ZNF804B: variants seen among roughly 807,000 people sequenced by gnomAD.
ZNF804B encodes the protein zinc finger 804B.
Under a neutral mutation model 101.4 loss-of-function variants are expected in ZNF804B, and 80 were observed. That is an observed-to-expected ratio of 0.79 (90% CI 0.66 to 0.95). The LOEUF (loss-of-function observed/expected upper bound fraction) is 0.95, where lower values mean the gene tolerates loss of function less well. Among genes scored for constraint, ZNF804B ranks in the 40% least tolerant of loss-of-function variants. The pLI is 0.00. For missense variants in ZNF804B, 1,673 were observed against 1,561.9 expected (o/e 1.07, Z -1.20); for synonymous variants, 622 against 558.8 (o/e 1.11, Z -1.59).
chr7:89,336,426 A>C lies in ZNF804B; in HGVS notation c.3444A>C (p.Ile1148=). 6.2e-7 allele frequency: 1 copy of C among 1,614,118 alleles called. No individual in the cohort carries two copies. Among genetic ancestry groups the C allele is most frequent in the South Asian group, 1.1e-5 (1 of 91,086 alleles). ...SISPPLIQQP[I]TFSPDEIDKY... ...CTCCCCCTTTAATTCAACAGCCCAT[A>C]ACATTTTCTCCTGACGAAATAGATA... The change falls in exon 4 of 4, where the codon ATA becomes ATC. Residue 1148 remains isoleucine (I), a synonymous_variant. Transcript: ENST00000333190.
chr7:89,010,786 CT>C (rs1458300789), intron 1 of ZNF804B, among the ~76,000 whole-genome samples: 2 of 152,168 alleles, frequency 1.3e-5, no homozygotes, highest in Admixed American at 1.3e-4. Context: ...AAACCAGAAT[CT>C]AAGGCTGTGG....
At chr7:88,765,167 T>A (rs1180555910) in intron 1 of ZNF804B, among the ~76,000 whole-genome samples, 1 of 152,124 alleles carries the variant, frequency 6.6e-6, no homozygotes, top group Admixed American at 6.6e-5. Flanking sequence ...TTTATTAGAT[T>A]ACACTACATT....
intron 2 of ZNF804B, among the ~76,000 whole-genome samples, chr7:89,319,120 C>T (rs1337152399): frequency 1.3e-5 from 2 of 152,086 alleles, no homozygotes; most frequent in Non-Finnish European, 2.9e-5. Context: ...TGCCCTCGTT[C>T]CTGTAAACCC....
chr7:88,885,918 T>C (rs1792118852), intron 1 of ZNF804B, among the ~76,000 whole-genome samples: 1 of 152,164 alleles, frequency 6.6e-6, no homozygotes, highest in South Asian at 2.1e-4. Flanking sequence ...TTATCAAATT[T>C]TCAAGTCAAC....
chr7:89,073,583 A>C (rs1346977417), intron 1 of ZNF804B, among the ~76,000 whole-genome samples: 1 of 152,106 alleles, frequency 6.6e-6, no homozygotes, highest in African/African-American at 2.4e-5. Flanking sequence ...TTATTTTTTA[A>C]GAACTTTTTC....
At chr7:89,108,297 G>A (rs1363556296) in intron 1 of ZNF804B, among the ~76,000 whole-genome samples, 1 of 151,552 alleles carries the variant, frequency 6.6e-6, no homozygotes, top group African/African-American at 2.4e-5. Flanking sequence ...AAAGTACACG[G>A]AGGGAAGAAC....
rs763702761 is a variant in ZNF804B, at chr7:88,854,541, T to TCCCTTCCCTTC, written c.108+94459_108+94460insCTTCCCTTCCC. ...CCTTTCCTTCCTTTCCTTCCTTCCT[T>TCCCTTCCCTTC]CCTTCCTTCCTTCCTTCCTTCCTTC... On this transcript the variant is annotated intron_variant, in intron 1 of 3. Transcript: ENST00000333190. 3.2e-4 allele frequency among the ~76,000 whole-genome samples: 28 copies of TCCCTTCCCTTC among 88,644 alleles called. No individual in the cohort carries two copies. In the East Asian group the frequency reaches 4.4e-3, roughly 14 times the overall value. The allele number at this position is 88,644 out of a possible 152,430, so 58.2% of individuals were successfully genotyped here.
intron 1 of ZNF804B, among the ~76,000 whole-genome samples, chr7:89,169,730 G>C (rs1424243714): frequency 6.6e-6 from 1 of 152,048 alleles, no homozygotes. Context: ...TATTTTATCA[G>C]TAAAAAAATA....
intron 1 of ZNF804B, among the ~76,000 whole-genome samples, chr7:89,140,253 A>G (rs1790695773): frequency 6.6e-6 from 1 of 152,038 alleles, no homozygotes; most frequent in Non-Finnish European, 1.5e-5. Context: ...CCACATATAG[A>G]GCACAAGCAA....
intron 1 of ZNF804B, among the ~76,000 whole-genome samples, chr7:89,057,424 C>T (rs1789314713): frequency 6.6e-6 from 1 of 152,064 alleles, no homozygotes; most frequent in African/African-American, 2.4e-5. Flanking sequence ...ACAGTTTGCT[C>T]AGACCATCCA....
At chr7:89,273,296 A>G (rs1789926930) in intron 2 of ZNF804B, among the ~76,000 whole-genome samples, 1 of 152,136 alleles carries the variant, frequency 6.6e-6, no homozygotes, top group Non-Finnish European at 1.5e-5. Flanking sequence ...AACCATGCCA[A>G]GCTAAATGAA....
chr7:89,120,083 A>G (rs1014496119), intron 1 of ZNF804B, among the ~76,000 whole-genome samples: 2 of 152,116 alleles, frequency 1.3e-5, no homozygotes, highest in Non-Finnish European at 2.9e-5. Flanking sequence ...ATAAAATGAT[A>G]CTGTCAGGGG....
chr7:89,140,910 A>G (rs1362953720), intron 1 of ZNF804B, among the ~76,000 whole-genome samples: 1 of 152,070 alleles, frequency 6.6e-6, no homozygotes, highest in Non-Finnish European at 1.5e-5. Context: ...AGCTTTCAAT[A>G]TGCCTTCTTC....
chr7:89,119,666 A>T (rs943452912), intron 1 of ZNF804B, among the ~76,000 whole-genome samples: 6 of 152,186 alleles, frequency 3.9e-5, no homozygotes, highest in Non-Finnish European at 1.5e-5. Flanking sequence ...TAGGGAATTC[A>T]AGTGAAGAGA....
Position 89,218,141 on chromosome 7 carries a change from A to T in ZNF804B, c.109-14A>T. The T allele has an allele frequency of 2.5e-6, 4 of 1,600,850 alleles. No individual in the cohort carries two copies. The highest frequency in any genetic ancestry group is 2.6e-6 in the Non-Finnish European group (3 of 1,173,786). On this transcript the variant is annotated splice_polypyrimidine_tract_variant and intron_variant, in intron 1 of 3. Transcript: ENST00000333190. ...AGAGAAGTCTAACCAACATTTATGT[A>T]TTTTTTCTTAAAGGATTTTGCAGAA... is the stretch of plus-strand genomic sequence containing the variant.
intron 1 of ZNF804B, among the ~76,000 whole-genome samples, chr7:89,132,171 C>CAT (rs1441285852): frequency 2.8e-4 from 12 of 42,406 alleles, no homozygotes; most frequent in African/African-American, 1.4e-3. Flanking sequence ...CGCACACATA[C>CAT]ACACACACAC....
chr7:89,100,359 A>G (rs1790036262), intron 1 of ZNF804B, among the ~76,000 whole-genome samples: 1 of 152,210 alleles, frequency 6.6e-6, no homozygotes, highest in South Asian at 2.1e-4. Context: ...CTATGAAACT[A>G]CTACAATAAA....
At chr7:89,224,182 AT>A (rs1789045980) in intron 2 of ZNF804B, among the ~76,000 whole-genome samples, 1 of 152,006 alleles carries the variant, frequency 6.6e-6, no homozygotes, top group Non-Finnish European at 1.5e-5. Context: ...CCCATAAAAA[AT>A]ATCTTTAATA....
intron 2 of ZNF804B, among the ~76,000 whole-genome samples, chr7:89,266,142 A>G (rs955542710): frequency 6.6e-6 from 1 of 152,152 alleles, no homozygotes; most frequent in Non-Finnish European, 1.5e-5. Flanking sequence ...GAACAGGGCC[A>G]TTTCCATTCT....
Sources: gnomAD v4.1 joint callset for allele counts (sites outside exome capture counted in the v4.1 genomes callset) on GRCh38, gnomAD v4.1.1 for gene constraint, MANE v1.5 for transcripts, NCBI Gene and HGNC (gene_info 2026-07-23, HGNC 2026-07-21) for gene names.